Variants in ZFPM1 observed in about 807,000 individuals in gnomAD.
ZFPM1 encodes zinc finger protein ZFPM1.
ZFPM1 carries 28 observed loss-of-function variants against 46.3 expected under a neutral mutation model. The ratio of observed to expected loss-of-function variants is 0.60; its 90% CI spans 0.45 to 0.83. The LOEUF (loss-of-function observed/expected upper bound fraction) is 0.83, where lower values mean the gene tolerates loss of function less well. Ranked by LOEUF, ZFPM1 falls within the 40% of genes least tolerant of loss-of-function variation. ZFPM1 has a pLI of 0.00. For missense variants in ZFPM1, 1,878 were observed against 1,432.4 expected (o/e 1.31, Z -5.02); for synonymous variants, 957 against 675.9 (o/e 1.42, Z -6.45).
intron 6 of ZFPM1, among the ~76,000 whole-genome samples, chr16:88,531,587 G>A (rs1015379834): frequency 9.9e-5 from 15 of 152,160 alleles, no homozygotes; most frequent in African/African-American, 3.4e-4. Context: ...GCACTCCCAC[G>A]CACCTGCACG....
chr16:88,496,922 C>T (rs1222596442), intron 3 of ZFPM1, among the ~76,000 whole-genome samples: 2 of 152,072 alleles, frequency 1.3e-5, no homozygotes, highest in African/African-American at 2.4e-5. Flanking sequence ...TTCGCCACAG[C>T]GGTCCAACCC....
At position 88,534,540 on chromosome 16, in the gene ZFPM1, C is replaced by G. The variant is rs1304152095; in HGVS notation, c.2582C>G (p.Pro861Arg). Reference sequence around the variant, plus strand: ...GCCGCCGCCTGCCCCTACTGCCCCCCGAACGGCCCGGTGCGCGGGGACCTG... The same window carrying G: ...GCCGCCGCCTGCCCCTACTGCCCCCGGAACGGCCCGGTGCGCGGGGACCTG... ...LPAAACPYCPPNGPVRGDLLE... is the reference protein window; with the variant it reads ...LPAAACPYCPRNGPVRGDLLE... The change falls in exon 10 of 10, where the codon CCG (proline) becomes CGG (arginine). Residue 861 changes from proline (P) to arginine (R), a missense_variant. Coordinates refer to ENST00000319555, the MANE Select transcript of ZFPM1 (RefSeq NM_153813.3). 9 of 1,383,564 alleles carry G rather than the reference C, an allele frequency of 6.5e-6. No individual in the cohort carries two copies. The highest frequency in any genetic ancestry group is 8.4e-6 in the Non-Finnish European group (9 of 1,071,522). 85.7% of individuals were successfully genotyped at this position (1,383,564 alleles called of 1,614,324 possible).
At chr16:88,526,576 G>T (rs1252252441) in intron 4 of ZFPM1, among the ~76,000 whole-genome samples, 1 of 152,156 alleles carries the variant, frequency 6.6e-6, no homozygotes, top group Admixed American at 6.5e-5. Flanking sequence ...ACCCTGGAAG[G>T]TACTACTCCC....
chr16:88,519,544 CTGAAAGGA>C (rs2142447714), intron 4 of ZFPM1, among the ~76,000 whole-genome samples: 1 of 105,380 alleles, frequency 9.5e-6, no homozygotes, highest in African/African-American at 3.8e-5. Flanking sequence ...GGGTGGGTGG[CTGAAAGGA>C]TGGATGGATG....
rs1567525666 is a variant in ZFPM1 at position 88,461,099 on chromosome 16, CAG to C, written c.40+7422_40+7423del. On this transcript the variant is annotated intron_variant, in intron 1 of 9. Coordinates refer to ENST00000319555, the MANE Select transcript of ZFPM1 (RefSeq NM_153813.3). ...AGAAGGTCTGGTGAGGACCAAGGGG[CAG>C]GAGGCCCTGGTGAGGACCCAGGGAT... 1.5e-3 allele frequency among the ~76,000 whole-genome samples: 114 copies of C among 74,536 alleles called. 8 individuals are homozygous for C. Among genetic ancestry groups the C allele is most frequent in the Middle Eastern group, 9.3e-3 (1 of 108 alleles). 48.9% of individuals were successfully genotyped at this position (74,536 alleles called of 152,430 possible). A position where few individuals can be genotyped will look rare whatever the true frequency, so the allele number is the denominator to read the frequency against.
upstream of ZFPM1, among the ~76,000 whole-genome samples, chr16:88,453,090 G>C (rs898277995): frequency 1.5e-4 from 22 of 151,382 alleles, no homozygotes; most frequent in African/African-American, 5.3e-4. Context: ...GCGGGGGCGC[G>C]GTCGCGGCTC....
intron 1 of ZFPM1, among the ~76,000 whole-genome samples, chr16:88,479,137 T>C (rs983109530): frequency 6.6e-6 from 1 of 152,210 alleles, no homozygotes; most frequent in African/African-American, 2.4e-5. Flanking sequence ...CGTGAGGTAC[T>C]GGCCACTTGG....
chr16:88,472,714 G>A (rs1289364302), intron 1 of ZFPM1, among the ~76,000 whole-genome samples: 3 of 152,178 alleles, frequency 2.0e-5, no homozygotes, highest in Admixed American at 6.5e-5. Context: ...ACCCTTTCCC[G>A]TGTACAGCTC....
chr16:88,514,698 C>T (rs1382112822), intron 4 of ZFPM1, among the ~76,000 whole-genome samples, 178 bp downstream of exon 4: 1 of 152,144 alleles, frequency 6.6e-6, no homozygotes, highest in African/African-American at 2.4e-5. Flanking sequence ...CCAGGGAGGG[C>T]TTCCTGTAGG....
intron 3 of ZFPM1, 61 bp downstream of exon 3, chr16:88,489,214 G>A: frequency 2.0e-6 from 3 of 1,529,360 alleles, no homozygotes; most frequent in Non-Finnish European, 2.6e-6. Context: ...CCCGGCCCCT[G>A]GGAGCAGGGC....
Position 88,473,501 on chromosome 16 carries a change from C to T in ZFPM1, c.41-12438C>T, listed in dbSNP as rs371253027. ...GGTCGGCTGCTAGGGAGGGCCATGA[C>T]GGCCCCGCTGCCCCGGGGTCTGGGT... On this transcript the variant is annotated intron_variant, in intron 1 of 9. Coordinates refer to ENST00000319555, the MANE Select transcript of ZFPM1 (RefSeq NM_153813.3). 4.0e-4 allele frequency among the ~76,000 whole-genome samples: 61 copies of T among 152,228 alleles called. No homozygotes were observed. The East Asian group carries it at 0.01, about 26-fold the overall frequency.
intron 3 of ZFPM1, among the ~76,000 whole-genome samples, chr16:88,511,489 TCCCA>T (rs147879060): frequency 0.034 from 5,189 of 152,076 alleles, 287 homozygotes; most frequent in African/African-American, 0.12. Context: ...TCCTGCCCAT[TCCCA>T]CCCAGCTCAG....
At chr16:88,500,749 A>G (rs1459767367) in intron 3 of ZFPM1, among the ~76,000 whole-genome samples, 1 of 152,222 alleles carries the variant, frequency 6.6e-6, no homozygotes, top group Non-Finnish European at 1.5e-5. Flanking sequence ...AGACGTGGAC[A>G]GGACAGTTCA....
chr16:88,533,770 T>G lies in ZFPM1; in HGVS notation c.1812T>G (p.Arg604=). 2.9e-6 allele frequency: 4 copies of G among 1,362,958 alleles called. No individual in the cohort carries two copies. The highest frequency in any genetic ancestry group is 2.7e-5 in the Admixed American group (1 of 36,856). The allele number at this position is 1,362,958 out of a possible 1,614,324, so 84.4% of individuals were successfully genotyped here. The stretch of plus-strand genomic sequence containing the variant: ...AGCGCCTCTACTGTTCAGGCCGCCG[T>G]GCGCCCGAGGACGCGCCTGCCGCGC... ...VHKRLYCSGR[R]APEDAPAARR... The change falls in exon 10 of 10, where the codon CGT becomes CGG. Residue 604 remains arginine (R), a synonymous_variant. Coordinates refer to ENST00000319555, the MANE Select transcript of ZFPM1 (RefSeq NM_153813.3).
At chr16:88,486,173 T>G in intron 2 of ZFPM1, 130 bp downstream of exon 2, 1 of 972,306 alleles carries the variant, frequency 1.0e-6, no homozygotes, top group Non-Finnish European at 1.5e-6. Context: ...AGGACAGGCG[T>G]CTTCCAGCCA....
At position 88,470,764 on chromosome 16, in the gene ZFPM1, C is replaced by G. The variant is rs4074476; in HGVS notation, c.41-15175C>G. On this transcript the variant is annotated intron_variant, in intron 1 of 9. Coordinates refer to ENST00000319555, the MANE Select transcript of ZFPM1 (RefSeq NM_153813.3). ...GGCCGGGTGGTGACGCTGAGTGACA[C>G]GTGAGGATGTGGCACGGTGTGGAGG... Among the ~76,000 whole-genome samples the G allele has an allele frequency of 6.7e-3, 76 of 11,366 alleles. 5 individuals carry two copies. Among genetic ancestry groups the G allele is most frequent in the South Asian group, 9.7e-3 (3 of 308 alleles). The allele number at this position is 11,366 out of a possible 152,430, so 7.5% of individuals were successfully genotyped here. A position where few individuals can be genotyped will look rare whatever the true frequency, so the allele number is the denominator to read the frequency against.
intron 1 of ZFPM1, among the ~76,000 whole-genome samples, chr16:88,476,683 G>A (rs1908702045): frequency 6.6e-6 from 1 of 152,206 alleles, no homozygotes. Context: ...AAGGCCAAGT[G>A]TGGCTGGGGA....
At chr16:88,485,165 G>T (rs572508584) in intron 1 of ZFPM1, among the ~76,000 whole-genome samples, 1 of 152,202 alleles carries the variant, frequency 6.6e-6, no homozygotes, top group Non-Finnish European at 1.5e-5. Context: ...AGGCCGTGGC[G>T]ACGGCGACCC....
upstream of ZFPM1, among the ~76,000 whole-genome samples, chr16:88,452,105 C>A (rs1907304970): frequency 6.6e-6 from 1 of 152,186 alleles, no homozygotes; most frequent in South Asian, 2.1e-4. Context: ...GCCCCTGGGC[C>A]CACTGACGCC....
Sources: gnomAD v4.1 joint callset for allele counts (sites outside exome capture counted in the v4.1 genomes callset) on GRCh38, gnomAD v4.1.1 for gene constraint, MANE v1.5 for transcripts, NCBI Gene and HGNC (gene_info 2026-07-23, HGNC 2026-07-21) for gene names.